The following NPC1L1 variants were observed in gnomAD, a reference collection of about 807,000 sequenced individuals.
NPC1L1 encodes NPC1-like intracellular cholesterol transporter 1.
A neutral mutation model predicts 117.0 loss-of-function variants in NPC1L1; 98 were observed. The ratio of observed to expected loss-of-function variants is 0.84; its 90% CI spans 0.71 to 0.99. The LOEUF (loss-of-function observed/expected upper bound fraction) is 0.99, where lower values mean the gene tolerates loss of function less well. NPC1L1 is among the 50% of genes least tolerant of loss of function. The pLI, the probability that NPC1L1 is intolerant of heterozygous loss-of-function variation, is 0.00. For missense variants in NPC1L1, 1,540 were observed against 1,710.0 expected (o/e 0.90, Z 1.75); for synonymous variants, 729 against 727.6 (o/e 1.00, Z -0.03).
chr7:44,536,464 C>T lies in NPC1L1; in HGVS notation c.1682-36G>A. On this transcript the variant is annotated intron_variant, in intron 3 of 18. Coordinates refer to ENST00000381160, the MANE Select transcript of NPC1L1 (RefSeq NM_001101648.2). The surrounding 1 kb of genome is among the most constrained non-coding windows in gnomAD (Gnocchi z 4.7). Reference sequence around the variant, plus strand: ...AAATACTCAGACCCTTCCTGCTGCACCCGTGCCTCCCTCCCCCTCCAGCTG... The same window carrying T: ...AAATACTCAGACCCTTCCTGCTGCATCCGTGCCTCCCTCCCCCTCCAGCTG... 1 of 1,601,606 alleles carries T rather than the reference C, an allele frequency of 6.2e-7. No individual in the cohort carries two copies. Among genetic ancestry groups the T allele is most frequent in the Non-Finnish European group, 8.5e-7 (1 of 1,178,286 alleles).
At chr7:44,528,006 G>A (rs762542651) in intron 10 of NPC1L1, among the ~76,000 whole-genome samples, 25 of 152,138 alleles carry the variant, frequency 1.6e-4, no homozygotes, top group African/African-American at 2.9e-4. Context: ...TGTATTTTTA[G>A]TAGAGATGGG....
In NPC1L1 at chr7:44,521,138, C is replaced by A; in HGVS notation, c.2954-20G>T. 1 of 1,613,948 alleles carries A rather than the reference C, an allele frequency of 6.2e-7. No homozygotes were observed. Among genetic ancestry groups the A allele is most frequent in the South Asian group, 1.1e-5 (1 of 91,042 alleles). On this transcript the variant is annotated intron_variant, in intron 12 of 18. Transcript: ENST00000381160. ...GAGAGTCTGCAGAGAAAGCAGGGGTCTGGGCAGTGACACCCCAGGGCCAGC... is the reference window on the plus strand; with the variant it reads ...GAGAGTCTGCAGAGAAAGCAGGGGTATGGGCAGTGACACCCCAGGGCCAGC...
At position 44,531,836 on chromosome 7, in the gene NPC1L1, C is replaced by G; in HGVS notation, c.2556G>C (p.Leu852=). Residue 852 remains leucine (L), a synonymous_variant, in exon 10 of 19, where the codon CTG becomes CTC. Transcript: ENST00000381160. ...GGCTCACTCCGAACAGGGCGAGAAA[C>G]AGCAGCAGCTGAGAAGGGACCTGCT... ...HWITRGVVLL[L]FLALFGVSLY... is the part of the protein sequence containing the mutation. 1.9e-6 allele frequency: 3 copies of G among 1,583,012 alleles called. No homozygotes were observed. Among genetic ancestry groups the G allele is most frequent in the Non-Finnish European group, 2.6e-6 (3 of 1,164,592 alleles).
chr7:44,532,345 G>T, intron 8 of NPC1L1, 128 bp from the exon 9 acceptor site: 1 of 1,019,420 alleles, frequency 9.8e-7, no homozygotes, highest in Non-Finnish European at 1.5e-6. Context: ...AGACATACCA[G>T]TGTGCTGTTT....
Position 44,522,120 on chromosome 7 carries a change from G to A in NPC1L1, c.2760C>T (p.Cys920=), listed in dbSNP as rs115042660. 10 of 1,614,018 alleles carry A rather than the reference G, an allele frequency of 6.2e-6. No individual in the cohort carries two copies. The East Asian group carries it at 2.0e-4, about 32-fold the overall frequency. ...AGAAGTTGTTGCAGCCTGCACTGGAGCAGATGGCATTCATCCCAGCCTCGC... is the reference window on the plus strand; with the variant it reads ...AGAAGTTGTTGCAGCCTGCACTGGAACAGATGGCATTCATCCCAGCCTCGC... ...FSSEAGMNAI[C]SSAGCNNFSF... The change falls in exon 11 of 19, where the codon TGC becomes TGT. Residue 920 remains cysteine (C), a synonymous_variant. Coordinates refer to ENST00000381160, the MANE Select transcript of NPC1L1 (RefSeq NM_001101648.2).
rs1801824991 is a variant in NPC1L1, at chr7:44,534,921, A to G, written c.1984-292T>C. Among the ~76,000 whole-genome samples the G allele has an allele frequency of 6.6e-6, 1 of 152,204 alleles. No homozygotes were observed. The highest frequency in any genetic ancestry group is 1.5e-5 in the Non-Finnish European group (1 of 68,038). ...GCTTTGCATTTGGGCAAGTGAGGGT[A>G]TGGCATGTAACAGACAGAAAACTGC... On this transcript the variant is annotated intron_variant, in intron 5 of 18. Coordinates refer to ENST00000381160, the MANE Select transcript of NPC1L1 (RefSeq NM_001101648.2). This position sits in a 1 kb window ranked among gnomAD's most constrained non-coding sequence, Gnocchi z 5.2.
chr7:44,532,987 A>G (rs1398886722), intron 8 of NPC1L1, among the ~76,000 whole-genome samples: 1 of 152,146 alleles, frequency 6.6e-6, no homozygotes, highest in Non-Finnish European at 1.5e-5. Context: ...GGGGCCTGTA[A>G]TCCCAGTAAT....
At position 44,538,722 on chromosome 7, in the gene NPC1L1, G is replaced by A; in HGVS notation, c.1580+95C>T. On this transcript the variant is annotated intron_variant, in intron 2 of 18. Coordinates refer to ENST00000381160, the MANE Select transcript of NPC1L1 (RefSeq NM_001101648.2). This position sits in a 1 kb window ranked among gnomAD's most constrained non-coding sequence, Gnocchi z 5.9. ...AGGAATAGCTACCTCTGGTCCTTCAGGACCAGCTGTATGCCCGGCCAGGTT... is the reference window on the plus strand; with the variant it reads ...AGGAATAGCTACCTCTGGTCCTTCAAGACCAGCTGTATGCCCGGCCAGGTT... 7.9e-7 allele frequency: 1 copy of A among 1,272,368 alleles called. No homozygotes were observed. Among genetic ancestry groups the A allele is most frequent in the Admixed American group, 1.7e-5 (1 of 59,606 alleles). 78.8% of individuals were successfully genotyped at this position (1,272,368 alleles called of 1,614,324 possible). A position where few individuals can be genotyped will look rare whatever the true frequency, so the allele number is the denominator to read the frequency against.
rs1801069657 is a variant in NPC1L1, at chr7:44,512,556, T to TA, written c.*890dup. 6.6e-6 allele frequency: 1 copy of TA among 152,258 alleles called. No homozygotes were observed. Among genetic ancestry groups the TA allele is most frequent in the Admixed American group, 6.5e-5 (1 of 15,286 alleles). The allele number at this position is 152,258 out of a possible 1,614,324, so 9.4% of individuals were successfully genotyped here. A position where few individuals can be genotyped will look rare whatever the true frequency, so the allele number is the denominator to read the frequency against. Reference sequence around the variant, plus strand: ...ACCATTTCTGCCAACAAATGTTTATTAAACACCTATGTGCACAGCACAGAG... The same window carrying TA: ...ACCATTTCTGCCAACAAATGTTTATTAAAACACCTATGTGCACAGCACAGAG... On this transcript the variant is annotated 3_prime_UTR_variant, in exon 19 of 19. Transcript: ENST00000381160.
chr7:44,517,713 A>G (rs1801234713), intron 14 of NPC1L1, among the ~76,000 whole-genome samples: 1 of 152,192 alleles, frequency 6.6e-6, no homozygotes, highest in African/African-American at 2.4e-5. Flanking sequence ...GCATATTCCT[A>G]TAGGAAAGGA....
rs191116168 is a variant in NPC1L1, at chr7:44,515,629, T to C, written c.3796+174A>G. ...GACAAAAAAAGATGTTCACAGCACA[T>C]TAAATGAATAATAGTAGCTTCCAAG... On this transcript the variant is annotated intron_variant, in intron 18 of 18. Transcript: ENST00000381160. Among the ~76,000 whole-genome samples the C allele has an allele frequency of 2.8e-4, 42 of 152,330 alleles. No homozygotes were observed. In the East Asian group the frequency reaches 3.3e-3, roughly 12 times the overall value.
At chr7:44,518,211 C>T (rs1016428469) in intron 14 of NPC1L1, among the ~76,000 whole-genome samples, 5 of 151,672 alleles carry the variant, frequency 3.3e-5, no homozygotes, top group African/African-American at 9.7e-5. Context: ...TCACTGTCAC[C>T]GCAGCTGGAG....
chr7:44,533,470 G>A lies in NPC1L1; in HGVS notation c.2370C>T (p.Ala790=). ...TGTCCAGGGAGAGCAGGGCCACAAA[G>A]GCTGACATCTGCAGGAGGAAGTCAA... ...VILDFLLQMS[A]FVALLSLDSK... The change falls in exon 8 of 19, where the codon GCC becomes GCT. Residue 790 remains alanine (A), a synonymous_variant. Coordinates refer to ENST00000381160, the MANE Select transcript of NPC1L1 (RefSeq NM_001101648.2). 6.2e-7 allele frequency: 1 copy of A among 1,614,114 alleles called. No individual in the cohort carries two copies. Among genetic ancestry groups the A allele is most frequent in the Non-Finnish European group, 8.5e-7 (1 of 1,180,008 alleles).
At position 44,540,007 on chromosome 7, in the gene NPC1L1, G is replaced by A; in HGVS notation, c.390C>T (p.Ser130=). 1 of 1,614,254 alleles carries A rather than the reference G, an allele frequency of 6.2e-7. No individual in the cohort carries two copies. The highest frequency in any genetic ancestry group is 8.5e-7 in the Non-Finnish European group (1 of 1,180,048). The change falls in exon 2 of 19, where the codon AGC becomes AGT. Residue 130 remains serine (S), a synonymous_variant. Coordinates refer to ENST00000381160, the MANE Select transcript of NPC1L1 (RefSeq NM_001101648.2). ...CATTGATGAAGAGGCTCTGATTGGG[G>A]CTGCACGTGTTGTGGCAGTGCAGGT... ...FVNLHCHNTC[S]PNQSLFINVT...
Position 44,516,712 on chromosome 7 carries a change from G to A in NPC1L1, c.3510C>T (p.Asn1170=), listed in dbSNP as rs1487100732. The change falls in exon 16 of 19, where the codon AAC becomes AAT. Residue 1170 remains asparagine, a synonymous_variant. Coordinates refer to ENST00000381160, the MANE Select transcript of NPC1L1 (RefSeq NM_001101648.2). ...GTGTCTGCTGGGTTACCGAGACCAG[G>A]TTGATGAGGGACACAGCATTGTAAC... is the stretch of plus-strand genomic sequence containing the variant. The part of the protein sequence containing the change: ...GISYNAVSLI[N]LVSAVGMSVE... The A allele has an allele frequency of 1.2e-6, 2 of 1,610,148 alleles. No homozygotes were observed. Among genetic ancestry groups the A allele is most frequent in the Non-Finnish European group, 1.7e-6 (2 of 1,178,230 alleles).
In NPC1L1 at chr7:44,538,828, C is replaced by T; in HGVS notation, c.1569G>A (p.Leu523=). 6.2e-7 allele frequency: 1 copy of T among 1,614,174 alleles called. No homozygotes were observed. The highest frequency in any genetic ancestry group is 8.5e-7 in the Non-Finnish European group (1 of 1,180,030). Residue 523 remains leucine (L), a synonymous_variant, in exon 2 of 19, where the codon CTG becomes CTA. Transcript: ENST00000381160. This position sits in a 1 kb window ranked among gnomAD's most constrained non-coding sequence, Gnocchi z 5.9. ...TSQVDWKDHF[L]YCANAPLTFK... ...CACCATGGACTCACTTGGCACAGTA[C>T]AGAAAATGGTCCTTCCAGTCGACTT... is the stretch of plus-strand genomic sequence containing the variant.
intron 14 of NPC1L1, chr7:44,518,808 G>GGCACCTCC: frequency 1.1e-6 from 1 of 922,688 alleles, no homozygotes; most frequent in Non-Finnish European, 1.3e-6. Flanking sequence ...CAGGGGAGGT[G>GGCACCTCC]CCTGGAGAAC....
chr7:44,513,712 C>A, intron 18 of NPC1L1, 63 bp from the exon 19 acceptor site: 1 of 1,570,722 alleles, frequency 6.4e-7, no homozygotes, highest in Non-Finnish European at 8.7e-7. Context: ...AGAAGCTATT[C>A]CTGGTTCTGT....
At chr7:44,518,789 A>T in intron 14 of NPC1L1, 1 of 1,022,572 alleles carries the variant, frequency 9.8e-7, no homozygotes, top group Non-Finnish European at 1.2e-6. Flanking sequence ...GATACATACA[A>T]TCTCAGAGCA....
Sources: gnomAD v4.1 joint callset for allele counts (sites outside exome capture counted in the v4.1 genomes callset) on GRCh38, gnomAD v4.1.1 for gene constraint, Gnocchi (gnomAD v3.1) non-coding constraint, MANE v1.5 for transcripts, NCBI Gene and HGNC (gene_info 2026-07-23, HGNC 2026-07-21) for gene names.